The following PRDM16 variants were observed in gnomAD, a reference collection of about 807,000 sequenced individuals.
PRDM16 encodes the protein PR/SET domain 16.
A neutral mutation model predicts 110.6 loss-of-function variants in PRDM16; 23 were observed. The observed-to-expected ratio is 0.21, with a 90% confidence interval of 0.15 to 0.29. PRDM16 has a LOEUF of 0.29. PRDM16 is among the 10% of genes least tolerant of loss of function. PRDM16 has a pLI of 1.00. For synonymous variants in PRDM16, 799 were observed against 781.8 expected (o/e 1.02, Z -0.37); for missense variants, 1,615 against 1,794.3 (o/e 0.90, Z 1.81).
At position 3,244,462 on chromosome 1, in the gene PRDM16, C is replaced by T. The variant is rs1000530551; in HGVS notation, c.438+325C>T. ...CACGCAGACAGGAAAATTAAATAAA[C>T]GCAGGTTGTGTTTATTTAACTGTCT... On this transcript the variant is annotated intron_variant, in intron 3 of 16. Transcript: ENST00000270722. This position sits in a 1 kb window ranked among gnomAD's most constrained non-coding sequence, Gnocchi z 4.1. Among the ~76,000 whole-genome samples, 17 of 152,114 alleles carry T rather than the reference C, an allele frequency of 1.1e-4. No individual in the cohort carries two copies. Among genetic ancestry groups the T allele is most frequent in the East Asian group, 7.7e-4 (4 of 5,170 alleles).
At chr1:3,342,172 C>T (rs1028560315) in intron 3 of PRDM16, among the ~76,000 whole-genome samples, 4 of 152,186 alleles carry the variant, frequency 2.6e-5, no homozygotes, top group Admixed American at 2.0e-4. Flanking sequence ...CCCTCCCCAC[C>T]GAACCCCAGA....
chr1:3,259,071 T>G (rs1640107941), intron 3 of PRDM16, among the ~76,000 whole-genome samples: 1 of 152,134 alleles, frequency 6.6e-6, no homozygotes, highest in South Asian at 2.1e-4. Flanking sequence ...AGCAGCAAAT[T>G]AGGCCAGAAG....
intron 3 of PRDM16, among the ~76,000 whole-genome samples, chr1:3,380,588 G>A (rs999595150): frequency 4.6e-5 from 7 of 152,146 alleles, no homozygotes; most frequent in Non-Finnish European, 1.0e-4. Context: ...CGAGAGGGTC[G>A]GGGACAGACC....
At chr1:3,121,331 G>A (rs984813276) in intron 1 of PRDM16, among the ~76,000 whole-genome samples, 6 of 152,180 alleles carry the variant, frequency 3.9e-5, no homozygotes, top group African/African-American at 9.7e-5. Flanking sequence ...GGGCACAAAC[G>A]GGAGAATGAC....
chr1:3,090,409 G>A (rs974568119), intron 1 of PRDM16, among the ~76,000 whole-genome samples: 11 of 152,378 alleles, frequency 7.2e-5, no homozygotes, highest in African/African-American at 9.6e-5. Flanking sequence ...GGTGGCCGCC[G>A]TTCGGCAGGC....
chr1:3,313,628 G>C (rs1000011215), intron 3 of PRDM16, among the ~76,000 whole-genome samples: 6 of 152,338 alleles, frequency 3.9e-5, no homozygotes, highest in South Asian at 4.1e-4. Context: ...CTGCGAGGCC[G>C]TGCGGACCCC....
intron 1 of PRDM16, among the ~76,000 whole-genome samples, chr1:3,181,118 ACACAC>A (rs1427285791): frequency 1.8e-4 from 24 of 133,062 alleles, no homozygotes; most frequent in Non-Finnish European, 3.1e-4. Context: ...ACGCGGCCTT[ACACAC>A]GCAGTCTTAC....
chr1:3,164,543 A>T (rs1043850682), intron 1 of PRDM16, among the ~76,000 whole-genome samples: 1 of 152,128 alleles, frequency 6.6e-6, no homozygotes, highest in Non-Finnish European at 1.5e-5. Flanking sequence ...TCAATCCCAT[A>T]AGCAATCCGA....
intron 3 of PRDM16, among the ~76,000 whole-genome samples, chr1:3,341,736 T>C (rs1642277121): frequency 6.6e-6 from 1 of 152,222 alleles, no homozygotes; most frequent in Non-Finnish European, 1.5e-5. Context: ...CCTCTTGCTG[T>C]GTGGGGCAAC....
rs1197245859 is a variant in PRDM16 at position 3,353,156 on chromosome 1, CA to C, written c.439-31995del. On this transcript the variant is annotated intron_variant, in intron 3 of 16. Coordinates refer to ENST00000270722, the MANE Select transcript of PRDM16 (RefSeq NM_022114.4). This position sits in a 1 kb window ranked among gnomAD's most constrained non-coding sequence, Gnocchi z 5.4. ...GACTCCCACGCAGGGACGTCCCTCA[CA>C]GCAGGATTTGCTGCTTCCTCCTGAC... is the stretch of plus-strand genomic sequence containing the variant. 6.6e-6 allele frequency among the ~76,000 whole-genome samples: 1 copy of C among 152,240 alleles called. No individual in the cohort carries two copies. The highest frequency in any genetic ancestry group is 2.4e-5 in the African/African-American group (1 of 41,464).
intron 3 of PRDM16, among the ~76,000 whole-genome samples, chr1:3,372,658 G>A (rs1050207996): frequency 2.1e-4 from 32 of 152,346 alleles, no homozygotes; most frequent in Admixed American, 1.3e-4. Context: ...CCAAGTCTGC[G>A]GTAACGTGCA....
In PRDM16 at chr1:3,097,674, C is replaced by T. The variant is rs564357372; in HGVS notation, c.37+28378C>T. Among the ~76,000 whole-genome samples the T allele has an allele frequency of 9.5e-4, 144 of 152,356 alleles. 2 individuals are homozygous for T. In the South Asian group the frequency reaches 0.019, roughly 20 times the overall value. On this transcript the variant is annotated intron_variant, in intron 1 of 16. Coordinates refer to ENST00000270722, the MANE Select transcript of PRDM16 (RefSeq NM_022114.4). ...GCCCCTCTGGGGGTCTTGGCCTCAG[C>T]AGCTGTTCTTCCTACCATGGAGGGA...
At chr1:3,113,739 C>A (rs1642849709) in intron 1 of PRDM16, among the ~76,000 whole-genome samples, 2 of 152,208 alleles carry the variant, frequency 1.3e-5, no homozygotes, top group Non-Finnish European at 2.9e-5. Context: ...GCCGCGTGCC[C>A]CAGGGCAGAA....
chr1:3,334,091 G>C (rs996711509), intron 3 of PRDM16, among the ~76,000 whole-genome samples: 2 of 152,232 alleles, frequency 1.3e-5, no homozygotes, highest in African/African-American at 4.8e-5. Flanking sequence ...TTTACCAGCA[G>C]CGTGAGCCAG....
At chr1:3,250,536 TAA>T (rs1310740012) in intron 3 of PRDM16, among the ~76,000 whole-genome samples, 1 of 151,960 alleles carries the variant, frequency 6.6e-6, no homozygotes, top group African/African-American at 2.4e-5. Context: ...AAGGATCCCT[TAA>T]ATCAGCTGAA....
intron 3 of PRDM16, among the ~76,000 whole-genome samples, chr1:3,343,289 G>T (rs776704419): frequency 4.0e-4 from 58 of 145,644 alleles, no homozygotes; most frequent in African/African-American, 1.4e-3. Context: ...TGAAGTGTTC[G>T]TTCAAGCCTT....
intron 3 of PRDM16, among the ~76,000 whole-genome samples, chr1:3,346,104 C>A (rs549801900): frequency 1.3e-5 from 2 of 152,268 alleles, no homozygotes; most frequent in African/African-American, 4.8e-5. Context: ...GGCAAGGCTG[C>A]GCTGAGCTGA....
intron 2 of PRDM16, among the ~76,000 whole-genome samples, chr1:3,237,260 C>T (rs1639559450): frequency 6.6e-6 from 1 of 152,068 alleles, no homozygotes. Flanking sequence ...CCAGGCTTCC[C>T]AACCCCAGGG....
chr1:3,321,299 TGA>T (rs1240936719), intron 3 of PRDM16, among the ~76,000 whole-genome samples: 1 of 152,148 alleles, frequency 6.6e-6, no homozygotes, highest in African/African-American at 2.4e-5. Context: ...TACACATATG[TGA>T]GTGTGTCCAT....
Sources: allele counts gnomAD v4.1 joint callset (sites outside exome capture counted in the v4.1 genomes callset), GRCh38; gene constraint gnomAD v4.1.1; non-coding constraint Gnocchi (gnomAD v3.1); transcripts MANE v1.5; gene names NCBI Gene and HGNC (gene_info 2026-07-23, HGNC 2026-07-21).